The following RBFOX3 variants were observed in gnomAD, a reference collection of about 807,000 sequenced individuals.
The protein encoded by RBFOX3 is RNA binding fox-1 homolog 3, also known as RNA binding protein fox-1 homolog 3.
In RBFOX3, 17 loss-of-function variants were observed where a neutral mutation model predicts 48.7. The ratio of observed to expected loss-of-function variants is 0.35; its 90% confidence interval spans 0.24 to 0.52. RBFOX3 has a LOEUF of 0.52. RBFOX3 is among the 20% of genes least tolerant of loss of function. The pLI, the probability that RBFOX3 is intolerant of heterozygous loss-of-function variation, is 0.94. For synonymous variants in RBFOX3, 212 were observed against 209.5 expected (o/e 1.01, Z -0.10); for missense variants, 382 against 497.5 (o/e 0.77, Z 2.21).
At chr17:79,236,777 C>T (rs2147908905) in intron 3 of RBFOX3, among the ~76,000 whole-genome samples, 1 of 152,258 alleles carries the variant, frequency 6.6e-6, no homozygotes, top group South Asian at 2.1e-4. Context: ...AAAGCTAGCT[C>T]ACTGGGGCCT....
chr17:79,161,708 G>C (rs1327506130), intron 4 of RBFOX3, among the ~76,000 whole-genome samples: 1 of 152,162 alleles, frequency 6.6e-6, no homozygotes, highest in Admixed American at 6.5e-5. Flanking sequence ...CGATTCTCCT[G>C]CCTCAGCCTC....
intron 2 of RBFOX3, among the ~76,000 whole-genome samples, chr17:79,413,278 A>T (rs557781860): frequency 2.1e-4 from 32 of 152,332 alleles, no homozygotes; most frequent in Admixed American, 1.4e-3. Flanking sequence ...CAAAGGCTGC[A>T]CTTTCTCAAT....
chr17:79,277,778 A>G (rs916115000), intron 3 of RBFOX3, among the ~76,000 whole-genome samples: 5 of 152,224 alleles, frequency 3.3e-5, no homozygotes, highest in Non-Finnish European at 5.9e-5. Flanking sequence ...GGGGAAGCAG[A>G]GGATGGGGCA....
intron 2 of RBFOX3, among the ~76,000 whole-genome samples, chr17:79,422,837 G>A (rs1010626878): frequency 1.3e-5 from 2 of 152,186 alleles, no homozygotes; most frequent in African/African-American, 4.8e-5. Flanking sequence ...GAAGTCACAG[G>A]GACCCTCATC....
At chr17:79,107,364 G>T (rs767317501) in intron 5 of RBFOX3, among the ~76,000 whole-genome samples, 5 of 152,182 alleles carry the variant, frequency 3.3e-5, no homozygotes, top group Non-Finnish European at 5.9e-5. Context: ...CCCAAGGCAG[G>T]GCGTGGCCAA....
intron 3 of RBFOX3, among the ~76,000 whole-genome samples, chr17:79,241,651 G>T (rs912381044): frequency 3.9e-5 from 6 of 152,172 alleles, no homozygotes; most frequent in African/African-American, 1.4e-4. Context: ...CACTTTGGCT[G>T]CCATGATAAT....
intron 2 of RBFOX3, among the ~76,000 whole-genome samples, chr17:79,411,786 C>A (rs980411725): frequency 1.3e-5 from 2 of 152,218 alleles, no homozygotes; most frequent in Admixed American, 1.3e-4. Context: ...CTCGTGGAGC[C>A]CTGGGCTAGC....
intron 3 of RBFOX3, among the ~76,000 whole-genome samples, chr17:79,272,948 G>A (rs898538): frequency 0.63 from 95,893 of 151,518 alleles, 30,670 homozygotes; most frequent in East Asian, 0.8. Context: ...GCCTCCGAGG[G>A]TGGTGGGCCA....
Position 79,124,079 on chromosome 17 carries a change from G to A in RBFOX3, c.-33-8331C>T, listed in dbSNP as rs144607665. 4.7e-3 allele frequency among the ~76,000 whole-genome samples: 711 copies of A among 152,300 alleles called. 3 individuals are homozygous for A. The highest frequency in any genetic ancestry group is 7.4e-3 in the Non-Finnish European group (503 of 68,028). On this transcript the variant is annotated intron_variant, in intron 4 of 14. Transcript: ENST00000693108. ...CAAGATGAGTTGGCATGGAGGTGGCGGCTGGCTCATCCCAGCATGTGAGTG... is the reference window on the plus strand; with the variant it reads ...CAAGATGAGTTGGCATGGAGGTGGCAGCTGGCTCATCCCAGCATGTGAGTG...
At chr17:79,227,824 A>G (rs2060498073) in intron 4 of RBFOX3, among the ~76,000 whole-genome samples, 2 of 152,196 alleles carry the variant, frequency 1.3e-5, no homozygotes, top group Non-Finnish European at 2.9e-5. Context: ...TGAGCTGGTA[A>G]TGCCAAGGCC....
chr17:79,143,524 G>A (rs1028549409), intron 4 of RBFOX3, among the ~76,000 whole-genome samples: 5 of 152,130 alleles, frequency 3.3e-5, no homozygotes, highest in Admixed American at 6.5e-5. Context: ...TCCCAGGCTC[G>A]CCACTACCCT....
chr17:79,502,940 C>T (rs1477736664), intron 1 of RBFOX3, among the ~76,000 whole-genome samples: 1 of 152,194 alleles, frequency 6.6e-6, no homozygotes, highest in African/African-American at 2.4e-5. Context: ...AGCTCAGGAC[C>T]CCATAACAAT....
intron 2 of RBFOX3, among the ~76,000 whole-genome samples, chr17:79,432,118 G>A (rs1555728736): frequency 6.6e-6 from 1 of 152,224 alleles, no homozygotes; most frequent in Non-Finnish European, 1.5e-5. Flanking sequence ...TGTGTATTCT[G>A]TGTCAGGATT....
chr17:79,519,467 A>C (rs1250797777), intron 1 of RBFOX3, among the ~76,000 whole-genome samples: 1 of 152,208 alleles, frequency 6.6e-6, no homozygotes, highest in Non-Finnish European at 1.5e-5. Flanking sequence ...AGAGCCCCTC[A>C]AGAGGGAGGA....
At chr17:79,656,389 G>A in the RBFOX3 span, among the ~76,000 whole-genome samples, 113 of 152,290 alleles carry the variant, frequency 7.4e-4, no homozygotes, top group African/African-American at 2.5e-3. Flanking sequence ...AGAAGTGGGC[G>A]CATAACTTGA....
chr17:79,090,789 A>C lies in RBFOX3; in HGVS notation c.*94T>G. 1 of 1,373,742 alleles carries C rather than the reference A, an allele frequency of 7.3e-7. No homozygotes were observed. Among genetic ancestry groups the C allele is most frequent in the South Asian group, 1.4e-5 (1 of 70,014 alleles). The allele number at this position is 1,373,742 out of a possible 1,614,324, so 85.1% of individuals were successfully genotyped here. A position where few individuals can be genotyped will look rare whatever the true frequency, so the allele number is the denominator to read the frequency against. ...GGTTGGTTTTTTTTTTGTTGCTTGG[A>C]TCTTAACATCTTTTTTTGTTTTTTT... is the stretch of plus-strand genomic sequence containing the variant. On this transcript the variant is annotated 3_prime_UTR_variant, in exon 15 of 15. Transcript: ENST00000693108.
intron 1 of RBFOX3, among the ~76,000 whole-genome samples, chr17:79,573,335 G>A (rs1363866733): frequency 1.3e-5 from 2 of 152,332 alleles, no homozygotes; most frequent in East Asian, 1.9e-4. Context: ...GGAGCTGCAC[G>A]CAGCACTGCA....
In RBFOX3 at chr17:79,252,682, C is replaced by T. The variant is rs116984568; in HGVS notation, c.-73-16877G>A. On this transcript the variant is annotated intron_variant, in intron 3 of 14. Coordinates refer to ENST00000693108, the MANE Select transcript of RBFOX3 (RefSeq NM_001350451.2). The surrounding 1 kb of genome is among the most constrained non-coding windows in gnomAD (Gnocchi z 4.0). ...GCTACGTTTGTTTGCGACGGCGGCA[C>T]CTAATGCGGTCCTCTTGGAAAGTTC... 4.4e-3 allele frequency among the ~76,000 whole-genome samples: 672 copies of T among 152,318 alleles called. 3 individuals carry two copies. Among genetic ancestry groups the T allele is most frequent in the South Asian group, 6.6e-3 (32 of 4,826 alleles).
intron 4 of RBFOX3, among the ~76,000 whole-genome samples, chr17:79,189,438 G>GCT (rs1282325330): frequency 6.6e-6 from 1 of 152,192 alleles, no homozygotes. Flanking sequence ...TTAGCCCTTG[G>GCT]CTCTCTCTCC....
Sources: allele counts gnomAD v4.1 joint callset (sites outside exome capture counted in the v4.1 genomes callset), GRCh38; gene constraint gnomAD v4.1.1; non-coding constraint Gnocchi (gnomAD v3.1); transcripts MANE v1.5; gene names NCBI Gene and HGNC (gene_info 2026-07-23, HGNC 2026-07-21).